B4GALNT3: variants seen among roughly 807,000 people sequenced by gnomAD.
B4GALNT3 encodes the protein beta-1,4-N-acetyl-galactosaminyltransferase 3.
In B4GALNT3, 86 loss-of-function variants were observed where a neutral mutation model predicts 120.2. That is an observed-to-expected ratio of 0.72 (90% CI 0.60 to 0.86). The LOEUF (loss-of-function observed/expected upper bound fraction) is 0.86. Among genes scored for constraint, B4GALNT3 ranks in the 40% least tolerant of loss-of-function variants. B4GALNT3 has a pLI of 0.00. For synonymous variants in B4GALNT3, 518 were observed against 510.4 expected (o/e 1.01, Z -0.20); for missense variants, 1,167 against 1,298.9 (o/e 0.90, Z 1.56).
At chr12:488,149 GAAAA>G (rs200210120) in intron 1 of B4GALNT3, among the ~76,000 whole-genome samples, 1 of 127,592 alleles carries the variant, frequency 7.8e-6, no homozygotes, top group Admixed American at 8.0e-5. Context: ...CTGAGAAGAA[GAAAA>G]AAAAAAAAAA....
At chr12:528,985 T>G (rs1946781900) in intron 1 of B4GALNT3, among the ~76,000 whole-genome samples, 1 of 152,192 alleles carries the variant, frequency 6.6e-6, no homozygotes, top group Non-Finnish European at 1.5e-5. Flanking sequence ...CCGGGGCTTC[T>G]TAGCCAATCA....
intron 1 of B4GALNT3, among the ~76,000 whole-genome samples, chr12:470,245 T>C (rs1006848675): frequency 6.6e-6 from 1 of 152,236 alleles, no homozygotes; most frequent in Non-Finnish European, 1.5e-5. Context: ...TAGTTCTGAC[T>C]GCTTTCGCCT....
chr12:548,351 C>T lies in B4GALNT3; in HGVS notation c.853+54C>T. The T allele has an allele frequency of 6.4e-7, 1 of 1,557,404 alleles. No homozygotes were observed. The highest frequency in any genetic ancestry group is 1.4e-5 in the African/African-American group (1 of 73,738). On this transcript the variant is annotated intron_variant, in intron 9 of 19. Transcript: ENST00000266383. This position sits in a 1 kb window ranked among gnomAD's most constrained non-coding sequence, Gnocchi z 4.9. ...ATGGAGGCCAGGTGGGGACAGCCTA[C>T]CCTGGGGGATTTGGCAGGGGAGGAG...
chr12:480,166 C>T (rs1946224287), intron 1 of B4GALNT3, among the ~76,000 whole-genome samples: 2 of 150,534 alleles, frequency 1.3e-5, no homozygotes, highest in Non-Finnish European at 3.0e-5. Flanking sequence ...CCGCCCGCCT[C>T]GGCCTCCCAA....
At chr12:514,512 A>G (rs1334071778) in intron 1 of B4GALNT3, among the ~76,000 whole-genome samples, 1 of 152,116 alleles carries the variant, frequency 6.6e-6, no homozygotes, top group Non-Finnish European at 1.5e-5. Flanking sequence ...TTTTTAAATA[A>G]AAGACTAATA....
At chr12:462,913 G>A (rs957459266) in intron 1 of B4GALNT3, among the ~76,000 whole-genome samples, 1 of 152,146 alleles carries the variant, frequency 6.6e-6, no homozygotes, top group Non-Finnish European at 1.5e-5. Flanking sequence ...GGAGAGCCAG[G>A]GAGGAGGCAT....
Position 554,001 on chromosome 12 carries a change from C to G in B4GALNT3, c.2060+18C>G, listed in dbSNP as rs1947114857. The G allele has an allele frequency of 6.3e-7, 1 of 1,576,318 alleles. No homozygotes were observed. On this transcript the variant is annotated intron_variant, in intron 14 of 19. Transcript: ENST00000266383. Reference sequence around the variant, plus strand: ...AGCCGGGGGTAAGGTAAAGGGCTCTCCTGGGGCCAGGGACTGGGGCACGTG... The same window carrying G: ...AGCCGGGGGTAAGGTAAAGGGCTCTGCTGGGGCCAGGGACTGGGGCACGTG...
At chr12:556,950 G>T in intron 15 of B4GALNT3, 84 bp downstream of exon 15, 3 of 1,391,582 alleles carry the variant, frequency 2.2e-6, no homozygotes, top group Non-Finnish European at 2.9e-6. Flanking sequence ...GCACTGATTT[G>T]ATCCCATAAG....
intron 1 of B4GALNT3, among the ~76,000 whole-genome samples, chr12:494,450 A>G (rs2120516617): frequency 1.3e-5 from 2 of 152,238 alleles, no homozygotes; most frequent in Middle Eastern, 3.4e-3. Flanking sequence ...CAGCTCTCAC[A>G]CTGAACTTAG....
In B4GALNT3 at chr12:504,430, C is replaced by G. The variant is rs372847179; in HGVS notation, c.170-30736C>G. Among the ~76,000 whole-genome samples the G allele has an allele frequency of 7.3e-5, 11 of 151,584 alleles. 1 individual carries two copies. The highest frequency in any genetic ancestry group is 1.3e-4 in the Admixed American group (2 of 15,242). ...TGAAACGTGTCTCAAATCCAGCCTC[C>G]TCTCTCCACCCCGCAGCCGCCCCCC... On this transcript the variant is annotated intron_variant, in intron 1 of 19. Coordinates refer to ENST00000266383, the MANE Select transcript of B4GALNT3 (RefSeq NM_173593.4).
intron 1 of B4GALNT3, among the ~76,000 whole-genome samples, chr12:489,537 A>G (rs1031458450): frequency 7.2e-5 from 11 of 152,218 alleles, no homozygotes; most frequent in African/African-American, 2.4e-4. Context: ...ACCCAACTGT[A>G]TATTTTCCAC....
At chr12:546,926 A>T (rs1177157087) in intron 7 of B4GALNT3, 2 of 586,766 alleles carry the variant, frequency 3.4e-6, no homozygotes, top group Non-Finnish European at 6.1e-6. Context: ...GCCGTGACTT[A>T]TTGCAGGTCA....
intron 13 of B4GALNT3, 77 bp downstream of exon 13, chr12:552,605 C>G: frequency 4.9e-6 from 7 of 1,430,082 alleles, no homozygotes; most frequent in Non-Finnish European, 6.7e-6. Flanking sequence ...ATGTTCAGAC[C>G]GTGCCAGCCC....
rs1465123339 is a variant in B4GALNT3 at position 460,578 on chromosome 12, G to A, written c.169+33G>A. 2 of 1,355,586 alleles carry A rather than the reference G, an allele frequency of 1.5e-6. No homozygotes were observed. The highest frequency in any genetic ancestry group is 3.0e-5 in the East Asian group (1 of 32,866). The allele number at this position is 1,355,586 out of a possible 1,614,324, so 84.0% of individuals were successfully genotyped here. On this transcript the variant is annotated intron_variant, in intron 1 of 19. Coordinates refer to ENST00000266383, the MANE Select transcript of B4GALNT3 (RefSeq NM_173593.4). The surrounding 1 kb of genome is among the most constrained non-coding windows in gnomAD (Gnocchi z 8.0). The stretch of plus-strand genomic sequence containing the variant: ...GCACCCAGGGGAGGCGAAGGGCGCG[G>A]GGGTGGGCGGCGGCGGCGGCTCCTG...
At chr12:549,696 T>C (rs1947053799) in intron 9 of B4GALNT3, 73 bp from the exon 10 acceptor site, 2 of 1,581,656 alleles carry the variant, frequency 1.3e-6, no homozygotes, top group African/African-American at 1.3e-5. Flanking sequence ...GTCTCTTCCC[T>C]CCCCTTCAAG....
chr12:511,765 CCACCTTCCACCTTCTTCCACCTT>C, intron 1 of B4GALNT3, among the ~76,000 whole-genome samples: 1 of 121,976 alleles, frequency 8.2e-6, no homozygotes, highest in African/African-American at 3.4e-5. Flanking sequence ...CTTCCACCTT[CCACCTTCCACCTTCTTCCACCTT>C]CCACCTTCCA....
At chr12:529,066 CTCCT>C (rs1946782580) in intron 1 of B4GALNT3, among the ~76,000 whole-genome samples, 1 of 152,198 alleles carries the variant, frequency 6.6e-6, no homozygotes, top group Non-Finnish European at 1.5e-5. Context: ...TCCCAGGCCT[CTCCT>C]TCTCCCTCGC....
chr12:477,522 G>C (rs772900762), intron 1 of B4GALNT3, among the ~76,000 whole-genome samples: 6 of 152,190 alleles, frequency 3.9e-5, no homozygotes, highest in African/African-American at 1.4e-4. Flanking sequence ...GCCAAGGCTC[G>C]ACATTCTTCA....
intron 1 of B4GALNT3, among the ~76,000 whole-genome samples, chr12:497,817 T>C (rs1349709322): frequency 1.3e-5 from 2 of 152,132 alleles, no homozygotes; most frequent in Non-Finnish European, 2.9e-5. Flanking sequence ...TCCCAGGCCC[T>C]GCATCCCTGG....
Sources: allele counts gnomAD v4.1 joint callset (sites outside exome capture counted in the v4.1 genomes callset), GRCh38; gene constraint gnomAD v4.1.1; non-coding constraint Gnocchi (gnomAD v3.1); transcripts MANE v1.5; gene names NCBI Gene and HGNC (gene_info 2026-07-23, HGNC 2026-07-21).